NTM: variants seen among roughly 807,000 people sequenced by gnomAD.
The protein encoded by NTM is IgLON family member 2.
In NTM, 13 loss-of-function variants were observed where a neutral mutation model predicts 42.1. The ratio of observed to expected loss-of-function variants is 0.31; its 90% CI spans 0.20 to 0.49. The LOEUF is 0.49. NTM is among the 20% of genes least tolerant of loss of function. The pLI, the probability that NTM is intolerant of heterozygous loss-of-function variation, is 0.99. For synonymous variants in NTM, 187 were observed against 179.2 expected, an observed-to-expected ratio of 1.04 and a Z score of -0.35; for missense variants, 373 against 452.8, an observed-to-expected ratio of 0.82 and a Z score of 1.60.
chr11:131,413,785 C>A lies in NTM; in HGVS notation c.82+42897C>A, dbSNP rs185452187. Among the ~76,000 whole-genome samples, 6 of 152,102 alleles carry A rather than the reference C, an allele frequency of 3.9e-5. No individual in the cohort carries two copies. The East Asian group carries it at 1.2e-3, about 29-fold the overall frequency. On this transcript the variant is annotated intron_variant, in intron 1 of 8. Transcript: ENST00000683400. ...CAGCAGGTTCCTGGCAGTCCAAACC[C>A]GTGGGGACAAGCAGGACAAGTTATG... is the stretch of plus-strand genomic sequence containing the variant.
chr11:131,834,060 G>T (rs566429618), intron 1 of NTM, among the ~76,000 whole-genome samples: 147 of 152,288 alleles, frequency 9.7e-4, no homozygotes, highest in African/African-American at 2.8e-3. Flanking sequence ...TCTGGCATAA[G>T]TACAGTCTCT....
At chr11:132,280,026 G>A (rs1287194991) in intron 4 of NTM, among the ~76,000 whole-genome samples, 1 of 152,152 alleles carries the variant, frequency 6.6e-6, no homozygotes, top group Non-Finnish European at 1.5e-5. Flanking sequence ...TTCATTGATA[G>A]TCTGTCTCCA....
chr11:131,885,418 A>T (rs547780450), intron 1 of NTM, among the ~76,000 whole-genome samples: 8 of 152,312 alleles, frequency 5.3e-5, no homozygotes, highest in Admixed American at 2.6e-4. Flanking sequence ...CAGCTGACAC[A>T]TAAAAATGGC....
chr11:132,252,828 G>A (rs1360208968), intron 4 of NTM, among the ~76,000 whole-genome samples: 2 of 152,276 alleles, frequency 1.3e-5, no homozygotes, highest in African/African-American at 2.4e-5. Context: ...GAGGAAAAAT[G>A]TACCTTGGTT....
At chr11:131,853,965 C>T (rs376560763) in intron 1 of NTM, among the ~76,000 whole-genome samples, 1 of 152,142 alleles carries the variant, frequency 6.6e-6, no homozygotes, top group Admixed American at 6.5e-5. Flanking sequence ...TTATTTTTGG[C>T]ATAATTTTCT....
At chr11:131,565,262 C>T (rs1565645387) in intron 1 of NTM, among the ~76,000 whole-genome samples, 1 of 152,236 alleles carries the variant, frequency 6.6e-6, no homozygotes, top group Admixed American at 6.5e-5. Context: ...CCAGTAGCTT[C>T]CTGAACACTT....
chr11:131,466,967 GCA>G (rs1446995329), intron 1 of NTM, among the ~76,000 whole-genome samples: 7 of 152,188 alleles, frequency 4.6e-5, no homozygotes, highest in African/African-American at 1.7e-4. Flanking sequence ...ACACACGTGT[GCA>G]CACATGTGCA....
chr11:131,376,213 T>G (rs1941954380), intron 1 of NTM, among the ~76,000 whole-genome samples: 1 of 152,194 alleles, frequency 6.6e-6, no homozygotes. Flanking sequence ...CCCAAAAGGT[T>G]CTCTGGGATC....
At chr11:131,737,082 G>T (rs535496396) in intron 1 of NTM, among the ~76,000 whole-genome samples, 1 of 152,160 alleles carries the variant, frequency 6.6e-6, no homozygotes, top group Admixed American at 6.5e-5. Flanking sequence ...TGGATGTCAA[G>T]CTGTCAGGCT....
chr11:131,497,503 T>C (rs1475083675), intron 1 of NTM, among the ~76,000 whole-genome samples: 3 of 121,208 alleles, frequency 2.5e-5, no homozygotes, highest in Admixed American at 7.9e-5. Flanking sequence ...TTACTATTTC[T>C]AAGAGGCCCT....
At chr11:131,789,536 GAA>G (rs2090220250) in intron 1 of NTM, among the ~76,000 whole-genome samples, 1 of 23,448 alleles carries the variant, frequency 4.3e-5, no homozygotes, top group Non-Finnish European at 7.1e-5. Context: ...AGAAGAAGAA[GAA>G]GAAGAAGAAA....
intron 1 of NTM, among the ~76,000 whole-genome samples, chr11:131,886,564 A>G (rs750905649): frequency 3.5e-4 from 53 of 152,240 alleles, no homozygotes; most frequent in Non-Finnish European, 4.0e-4. Context: ...TTGTGTTTAT[A>G]GAGTAAACTG....
At chr11:131,695,521 G>A (rs2075341756) in intron 1 of NTM, among the ~76,000 whole-genome samples, 2 of 152,198 alleles carry the variant, frequency 1.3e-5, no homozygotes, top group African/African-American at 4.8e-5. Flanking sequence ...AAATGAGGTT[G>A]TCGGGTTTTG....
rs959111534 is a variant in NTM at position 132,061,575 on chromosome 11, G to A, written c.168-84707G>A. Among the ~76,000 whole-genome samples, 10 of 152,170 alleles carry A rather than the reference G, an allele frequency of 6.6e-5. No individual in the cohort carries two copies. In the East Asian group the frequency reaches 1.2e-3, roughly 18 times the overall value. ...ATTGAATTGTATTGAATGATAAACC[G>A]GAGAGGGATAATGCATGGTGATCTA... On this transcript the variant is annotated intron_variant, in intron 2 of 8. Coordinates refer to ENST00000683400, the MANE Select transcript of NTM (RefSeq NM_001352005.2).
At chr11:131,985,715 T>C (rs1445336603) in intron 2 of NTM, among the ~76,000 whole-genome samples, 2 of 152,182 alleles carry the variant, frequency 1.3e-5, no homozygotes, top group East Asian at 3.9e-4. Flanking sequence ...CTCATTCCAC[T>C]GGGTAGAATT....
At chr11:131,732,716 A>T (rs1245869878) in intron 1 of NTM, among the ~76,000 whole-genome samples, 1 of 152,178 alleles carries the variant, frequency 6.6e-6, no homozygotes, top group Non-Finnish European at 1.5e-5. Flanking sequence ...AATGGGTTTT[A>T]TGTATTCCTA....
intron 1 of NTM, among the ~76,000 whole-genome samples, chr11:131,840,753 C>A (rs1442705547): frequency 1.3e-5 from 2 of 152,182 alleles, no homozygotes; most frequent in African/African-American, 4.8e-5. Flanking sequence ...GTCTTCCATC[C>A]TACATTAGAG....
chr11:131,554,616 T>A (rs970571538), intron 1 of NTM, among the ~76,000 whole-genome samples: 1 of 151,682 alleles, frequency 6.6e-6, no homozygotes, highest in Non-Finnish European at 1.5e-5. Flanking sequence ...GTCTACTGCA[T>A]CCTCCTGGGT....
At chr11:132,224,399 G>A (rs1323522226) in intron 4 of NTM, among the ~76,000 whole-genome samples, 1 of 152,044 alleles carries the variant, frequency 6.6e-6, no homozygotes, top group Non-Finnish European at 1.5e-5. Context: ...CCAGAAGGGG[G>A]AAATTCTTTT....
Sources: allele counts gnomAD v4.1 joint callset (sites outside exome capture counted in the v4.1 genomes callset), GRCh38; gene constraint gnomAD v4.1.1; transcripts MANE v1.5; gene names NCBI Gene and HGNC (gene_info 2026-07-23, HGNC 2026-07-21).